PCDHGB3: variants seen among roughly 807,000 people sequenced by gnomAD.
The protein encoded by PCDHGB3 is protocadherin gamma subfamily B, 3, also known as protocadherin gamma-B3.
A neutral mutation model predicts 59.2 loss-of-function variants in PCDHGB3; 40 were observed. The observed-to-expected ratio is 0.68, with a 90% CI of 0.52 to 0.88. The LOEUF is 0.88. Among genes scored for constraint, PCDHGB3 ranks in the 40% least tolerant of loss-of-function variants. The probability of loss-of-function intolerance (pLI) is 0.00; values close to 1 mark genes in which losing one functional copy is unlikely to be tolerated. For missense variants in PCDHGB3, 1,309 were observed against 1,187.9 expected (o/e 1.10, Z -1.50); for synonymous variants, 581 against 503.6 (o/e 1.15, Z -2.06).
At chr5:141,397,632 G>A (rs1338700585) in intron 1 of PCDHGB3, among the ~76,000 whole-genome samples, 2 of 152,222 alleles carry the variant, frequency 1.3e-5, no homozygotes, top group African/African-American at 4.8e-5. Context: ...CTAGCTAAGA[G>A]TTCAAGGTAT....
At chr5:141,394,071 A>G (rs953618981) in intron 1 of PCDHGB3, 1 of 1,613,908 alleles carries the variant, frequency 6.2e-7, no homozygotes, top group Non-Finnish European at 8.5e-7. Context: ...TATCTACAAT[A>G]TCACAGTGAT....
At chr5:141,429,445 G>C (rs2097215795) in intron 1 of PCDHGB3, among the ~76,000 whole-genome samples, 1 of 151,758 alleles carries the variant, frequency 6.6e-6, no homozygotes, top group Admixed American at 6.6e-5. Context: ...AAACTCTTGG[G>C]CTACAGTAAT....
At chr5:141,375,803 G>A (rs1771910516) in intron 1 of PCDHGB3, 5 of 1,614,234 alleles carry the variant, frequency 3.1e-6, no homozygotes, top group Non-Finnish European at 4.2e-6. Flanking sequence ...CGGTTCCACT[G>A]GCGTGGAGCT....
At chr5:141,382,983 A>G (rs1377762297) in intron 1 of PCDHGB3, 4 of 1,612,430 alleles carry the variant, frequency 2.5e-6, no homozygotes, top group Non-Finnish European at 3.4e-6. Flanking sequence ...AAGCCTGGGC[A>G]GGACGTATTC....
At chr5:141,375,843 T>A (rs762152746) in intron 1 of PCDHGB3, 20 of 1,613,928 alleles carry the variant, frequency 1.2e-5, no homozygotes, top group Non-Finnish European at 1.6e-5. Context: ...CCCGGCTACC[T>A]GGTGACCAAG....
intron 1 of PCDHGB3, among the ~76,000 whole-genome samples, chr5:141,449,714 A>G (rs1188830159): frequency 2.6e-5 from 4 of 151,334 alleles, no homozygotes; most frequent in African/African-American, 7.3e-5. Flanking sequence ...CATTATTTTT[A>G]TATGATATGA....
rs1387152450 is a variant in PCDHGB3 at position 141,487,754 on chromosome 5, G to A, written c.2416-7053G>A. The A allele has an allele frequency of 1.3e-6, 2 of 1,552,036 alleles. No individual in the cohort carries two copies. Among genetic ancestry groups the A allele is most frequent in the Admixed American group, 3.9e-5 (2 of 50,970 alleles). ...CATTTTTGTAAGAGGTAACTATGTG[G>A]TAGACGCTGTGCTTTGTAACTGTTT... On this transcript the variant is annotated intron_variant, in intron 1 of 3. Transcript: ENST00000576222. This position sits in a 1 kb window ranked among gnomAD's most constrained non-coding sequence, Gnocchi z 5.0.
At chr5:141,408,889 A>T in intron 1 of PCDHGB3, 3 of 1,613,232 alleles carry the variant, frequency 1.9e-6, no homozygotes, top group Non-Finnish European at 2.5e-6. Flanking sequence ...CTCACATAGA[A>T]ATTTCTGTCA....
chr5:141,388,007 G>A (rs2091194433), intron 1 of PCDHGB3: 1 of 1,480,702 alleles, frequency 6.8e-7, no homozygotes, highest in Non-Finnish European at 9.1e-7. Context: ...CCGAGGAAAT[G>A]CCCAAGGGCT....
In PCDHGB3 at chr5:141,400,151, C is replaced by G. The variant is rs201457414; in HGVS notation, c.2415+27342C>G. ...GTGCTGCCGGATATCACTGACCGCC[C>G]TGTACCCTCTGACCCCCAGGCTGAG... On this transcript the variant is annotated intron_variant, in intron 1 of 3. Transcript: ENST00000576222. 6.4e-5 allele frequency: 104 copies of G among 1,614,086 alleles called. No individual in the cohort carries two copies. The highest frequency in any genetic ancestry group is 4.9e-4 in the Middle Eastern group (3 of 6,062).
In PCDHGB3 at chr5:141,475,977, A is replaced by G. The variant is rs369460464; in HGVS notation, c.2416-18830A>G. The stretch of plus-strand genomic sequence containing the variant: ...CCCCGGGATGAGGCAGAGACTGAAC[A>G]GCCGGCGAGCAAATCAACGGCATCC... On this transcript the variant is annotated intron_variant, in intron 1 of 3. Transcript: ENST00000576222. The G allele has an allele frequency of 2.2e-5, 21 of 972,826 alleles. No individual in the cohort carries two copies. The South Asian group carries it at 2.8e-4, about 13-fold the overall frequency. 60.3% of individuals were successfully genotyped at this position (972,826 alleles called of 1,614,324 possible).
intron 1 of PCDHGB3, chr5:141,389,992 T>C (rs1454071261): frequency 6.2e-7 from 1 of 1,614,010 alleles, no homozygotes; most frequent in South Asian, 1.1e-5. Flanking sequence ...CTCTTCCTCG[T>C]GGCCATGATT....
intron 1 of PCDHGB3, chr5:141,418,928 A>C: frequency 1.2e-6 from 2 of 1,613,978 alleles, no homozygotes; most frequent in Non-Finnish European, 1.7e-6. Flanking sequence ...TGATCAGATT[A>C]TGGAGGATTC....
rs1358516648 is a variant in PCDHGB3, at chr5:141,489,199, A to C, written c.2416-5608A>C. The C allele has an allele frequency of 1.4e-6, 2 of 1,395,234 alleles. No individual in the cohort carries two copies. The highest frequency in any genetic ancestry group is 2.8e-5 in the South Asian group (2 of 71,520). The allele number at this position is 1,395,234 out of a possible 1,614,324, so 86.4% of individuals were successfully genotyped here. ...CAAGCCCTGGGTCTACCTTGGAGAC[A>C]GGACAGCACAGACTTACTCTCCACA... On this transcript the variant is annotated intron_variant, in intron 1 of 3. Transcript: ENST00000576222. The surrounding 1 kb of genome is among the most constrained non-coding windows in gnomAD (Gnocchi z 4.5).
intron 2 of PCDHGB3, among the ~76,000 whole-genome samples, chr5:141,495,623 C>T (rs990126072): frequency 3.3e-5 from 5 of 152,208 alleles, no homozygotes; most frequent in South Asian, 2.1e-4. Context: ...GCACCTCAGC[C>T]TCAGTCCCTT....
In PCDHGB3 at chr5:141,389,714, C is replaced by T. The variant is rs771532940; in HGVS notation, c.2415+16905C>T. Reference sequence around the variant, plus strand: ...TGTCCTACCACGTGCTGCAGGCTAGCGAGCCCGGGCTCTTCAGCCTGGGGC... The same window carrying T: ...TGTCCTACCACGTGCTGCAGGCTAGTGAGCCCGGGCTCTTCAGCCTGGGGC... On this transcript the variant is annotated intron_variant, in intron 1 of 3. Transcript: ENST00000576222. 9 of 1,612,418 alleles carry T rather than the reference C, an allele frequency of 5.6e-6. No individual in the cohort carries two copies. In the Admixed American group the frequency reaches 1.2e-4, roughly 21 times the overall value.
At chr5:141,409,184 T>C in intron 1 of PCDHGB3, 1 of 1,614,044 alleles carries the variant, frequency 6.2e-7, no homozygotes, top group Non-Finnish European at 8.5e-7. Context: ...AGGTGGTCTC[T>C]CTACCCAGTG....
intron 1 of PCDHGB3, chr5:141,376,117 C>G: frequency 6.2e-7 from 1 of 1,613,848 alleles, no homozygotes; most frequent in Non-Finnish European, 8.5e-7. Context: ...TGGGCAGCCT[C>G]GAGCCCTCCG....
At chr5:141,383,985 T>C (rs924124642) in intron 1 of PCDHGB3, 1 of 1,613,822 alleles carries the variant, frequency 6.2e-7, no homozygotes, top group African/African-American at 1.3e-5. Flanking sequence ...ACACACCTCT[T>C]GGGACAGTCA....
Sources: gnomAD v4.1 joint callset for allele counts (sites outside exome capture counted in the v4.1 genomes callset) on GRCh38, gnomAD v4.1.1 for gene constraint, Gnocchi (gnomAD v3.1) non-coding constraint, MANE v1.5 for transcripts, NCBI Gene and HGNC (gene_info 2026-07-23, HGNC 2026-07-21) for gene names.